Variants in PCDH15 observed in about 807,000 individuals in gnomAD.
PCDH15 encodes the protein protocadherin related 15.
A neutral mutation model predicts 178.5 loss-of-function variants in PCDH15; 129 were observed. The observed-to-expected ratio is 0.72, with a 90% CI of 0.63 to 0.84. PCDH15 has a LOEUF of 0.84. PCDH15 is among the 40% of genes least tolerant of loss of function. PCDH15 has a pLI of 0.00. For missense variants in PCDH15, 2,230 were observed against 2,099.9 expected, an observed-to-expected ratio of 1.06 and a Z score of -1.21; for synonymous variants, 800 against 732.0, an observed-to-expected ratio of 1.09 and a Z score of -1.50.
At chr10:54,713,520 T>C (rs1420296475) in intron 1 of PCDH15, among the ~76,000 whole-genome samples, 2 of 152,130 alleles carry the variant, frequency 1.3e-5, no homozygotes, top group African/African-American at 2.4e-5. Context: ...AGTAACAGTT[T>C]AAATAAATTC....
At chr10:54,938,988 A>G (rs745406148) in intron 2 of PCDH15, among the ~76,000 whole-genome samples, 1 of 152,212 alleles carries the variant, frequency 6.6e-6, no homozygotes, top group Non-Finnish European at 1.5e-5. Context: ...AAGCCCTGGT[A>G]ATATCTTGAT....
rs111973816 is a variant in PCDH15 at position 54,759,958 on chromosome 10, A to C, written c.-29+40967T>G. Among the ~76,000 whole-genome samples the C allele has an allele frequency of 1.3e-3, 199 of 152,252 alleles. 1 individual carries two copies. The South Asian group carries it at 0.013, about 10-fold the overall frequency. ...TCCTGTTTCCTGCACCCTTTATTTC[A>C]TGACCTTATCCCATGTATAGGGCGA... On this transcript the variant is annotated intron_variant, in intron 1 of 37. Transcript: ENST00000644397.
chr10:54,454,303 A>G lies in PCDH15; in HGVS notation c.157+73509T>C, dbSNP rs375941538. Among the ~76,000 whole-genome samples the G allele has an allele frequency of 1.1e-4, 16 of 149,314 alleles. No individual in the cohort carries two copies. In the East Asian group the frequency reaches 2.7e-3, roughly 25 times the overall value. On this transcript the variant is annotated intron_variant, in intron 3 of 37. Coordinates refer to ENST00000644397, the MANE Select transcript of PCDH15 (RefSeq NM_001384140.1). ...TAGATTATAAATGCTTTTAATTGAT[A>G]GATTATAAAGAATTTCATTTATAGA...
chr10:54,697,799 G>GAA lies in PCDH15; in HGVS notation c.-28-33511_-28-33510dup, dbSNP rs1304304930. 2.0e-5 allele frequency among the ~76,000 whole-genome samples: 3 copies of GAA among 149,700 alleles called. No individual in the cohort carries two copies. In the East Asian group the frequency reaches 5.9e-4, roughly 29 times the overall value. On this transcript the variant is annotated intron_variant, in intron 1 of 37. Transcript: ENST00000644397. Reference sequence around the variant, plus strand: ...AAGCAGGAAGGGATGGAGGGAGAGTGAAAAAAAGAAAAAGAAAAGAAAAAA... The same window carrying GAA: ...AAGCAGGAAGGGATGGAGGGAGAGTGAAAAAAAAAGAAAAAGAAAAGAAAAAA...
At chr10:55,130,975 C>G (rs1281093856) in intron 2 of PCDH15, among the ~76,000 whole-genome samples, 2 of 151,876 alleles carry the variant, frequency 1.3e-5, no homozygotes, top group African/African-American at 4.8e-5. Flanking sequence ...TATATTGATT[C>G]TATTTCAAGT....
intron 16 of PCDH15, among the ~76,000 whole-genome samples, chr10:54,087,680 A>G (rs993550020): frequency 2.0e-5 from 3 of 152,176 alleles, no homozygotes; most frequent in Admixed American, 6.5e-5. Context: ...ATGCTGGCTT[A>G]TGCGGTAATT....
intron 2 of PCDH15, among the ~76,000 whole-genome samples, chr10:55,080,066 G>A (rs1841998918): frequency 6.6e-6 from 1 of 152,094 alleles, no homozygotes; most frequent in Admixed American, 6.6e-5. Flanking sequence ...GTTGTCTTCA[G>A]CAGTCCCATG....
chr10:53,943,433 G>A (rs145363545), intron 23 of PCDH15, among the ~76,000 whole-genome samples: 182 of 151,810 alleles, frequency 1.2e-3, no homozygotes, highest in African/African-American at 4.1e-3. Context: ...CCAAGATCAC[G>A]CCACTGCACT....
intron 37 of PCDH15, chr10:53,808,890 C>G (rs779314972): frequency 1.3e-6 from 2 of 1,594,292 alleles, no homozygotes; most frequent in African/African-American, 1.3e-5. Context: ...CTGCACTGCC[C>G]TCTTCAGGGA....
At chr10:54,404,464 C>A (rs1348536207) in intron 3 of PCDH15, among the ~76,000 whole-genome samples, 4 of 152,020 alleles carry the variant, frequency 2.6e-5, no homozygotes, top group African/African-American at 9.7e-5. Context: ...ACTGACAAGC[C>A]ATATGCAGAA....
chr10:55,391,733 T>A (rs1837798108), intron 2 of PCDH15, among the ~76,000 whole-genome samples: 1 of 152,070 alleles, frequency 6.6e-6, no homozygotes, highest in Admixed American at 6.5e-5. Flanking sequence ...TGATCTACCC[T>A]CCTCAGCCTC....
chr10:54,527,165 A>G (rs548761400), intron 3 of PCDH15, among the ~76,000 whole-genome samples: 3 of 152,258 alleles, frequency 2.0e-5, no homozygotes, highest in South Asian at 2.1e-4. Flanking sequence ...ATATTTCTAC[A>G]TTAACGTTCA....
chr10:53,941,705 T>A (rs1190157576), intron 23 of PCDH15, among the ~76,000 whole-genome samples: 1 of 152,214 alleles, frequency 6.6e-6, no homozygotes, highest in African/African-American at 2.4e-5. Context: ...GATTTTATAG[T>A]AAGACTGTTT....
chr10:53,809,622 G>A lies in PCDH15; in HGVS notation c.4671+934C>T, dbSNP rs549770834. 4.0e-4 allele frequency: 558 copies of A among 1,388,296 alleles called. 1 individual carries two copies. Among genetic ancestry groups the A allele is most frequent in the Admixed American group, 2.0e-3 (96 of 48,142 alleles). The allele number at this position is 1,388,296 out of a possible 1,614,324, so 86.0% of individuals were successfully genotyped here. A position where few individuals can be genotyped will look rare whatever the true frequency, so the allele number is the denominator to read the frequency against. ...TATGACCTTGTCCCACGAAAGCTACGCAGGAATGAATCTGTGGGTGATAGC... is the reference window on the plus strand; with the variant it reads ...TATGACCTTGTCCCACGAAAGCTACACAGGAATGAATCTGTGGGTGATAGC... On this transcript the variant is annotated intron_variant, in intron 37 of 37. Transcript: ENST00000644397.
At chr10:55,209,847 G>T (rs1840513523) in intron 1 of PCDH15, among the ~76,000 whole-genome samples, 2 of 152,066 alleles carry the variant, frequency 1.3e-5, no homozygotes, top group South Asian at 4.1e-4. Flanking sequence ...CCATGCTAAA[G>T]ATTTGTATGT....
chr10:54,943,041 T>C (rs916169400), intron 2 of PCDH15, among the ~76,000 whole-genome samples: 5 of 152,052 alleles, frequency 3.3e-5, no homozygotes, highest in African/African-American at 1.2e-4. Context: ...TCAGATACTA[T>C]ATTAGTATCT....
intron 2 of PCDH15, among the ~76,000 whole-genome samples, chr10:54,657,379 A>T: frequency 6.6e-6 from 1 of 152,186 alleles, no homozygotes; most frequent in Non-Finnish European, 1.5e-5. Flanking sequence ...GCCTCCAGTC[A>T]TTACTGAGCT....
chr10:54,871,429 A>G (rs865850153), intron 3 of PCDH15, among the ~76,000 whole-genome samples: 37 of 27,138 alleles, frequency 1.4e-3, no homozygotes, highest in Middle Eastern at 0.012. Context: ...GTCTGAGAGG[A>G]AAAAAAAAAA....
chr10:54,142,361 G>A (rs893860421), intron 14 of PCDH15, among the ~76,000 whole-genome samples: 2 of 152,122 alleles, frequency 1.3e-5, no homozygotes, highest in Admixed American at 6.6e-5. Flanking sequence ...ACCAGTCAAA[G>A]CCTCATCTTC....
Sources: gnomAD v4.1 joint callset for allele counts (sites outside exome capture counted in the v4.1 genomes callset) on GRCh38, gnomAD v4.1.1 for gene constraint, MANE v1.5 for transcripts, NCBI Gene and HGNC (gene_info 2026-07-23, HGNC 2026-07-21) for gene names.